DMD: variants seen among roughly 807,000 people sequenced by gnomAD.
DMD encodes the protein mutant dystrophin.
DMD carries 63 observed loss-of-function variants against 330.1 expected under a neutral mutation model. That is an observed-to-expected ratio of 0.19 (90% confidence interval 0.16 to 0.24). The LOEUF (loss-of-function observed/expected upper bound fraction) is 0.24. Among genes scored for constraint, DMD ranks in the 10% least tolerant of loss-of-function variants. The pLI, the probability that DMD is intolerant of heterozygous loss-of-function variation, is 1.00. For synonymous variants in DMD, 1,223 were observed against 959.8 expected (o/e 1.27, Z -5.07); for missense variants, 3,344 against 2,684.1 (o/e 1.25, Z -5.43).
At chrX:31,981,500 A>C (rs2095475787) in intron 44 of DMD, among the ~76,000 whole-genome samples, 1 of 111,427 alleles carries the variant, frequency 9.0e-6, no homozygotes, top group Admixed American at 9.6e-5. Flanking sequence ...AGAACTGTAT[A>C]AACAGTGAGG....
intron 67 of DMD, among the ~76,000 whole-genome samples, chrX:31,188,199 A>T (rs773120284): frequency 9.8e-5 from 11 of 111,919 alleles, no homozygotes; most frequent in Non-Finnish European, 1.9e-4. Context: ...TCAATCTTTC[A>T]TTTTTATGAC....
At chrX:32,291,426 G>A (rs1197273460) in intron 42 of DMD, among the ~76,000 whole-genome samples, 7 of 110,629 alleles carry the variant, frequency 6.3e-5, no homozygotes, top group Admixed American at 2.9e-4. Context: ...AACTTTTTTC[G>A]GAAAGTACAT....
At position 32,343,156 on chromosome X, in the gene DMD, G is replaced by A; in HGVS notation, c.5717C>T (p.Pro1906Leu). The A allele has an allele frequency of 8.3e-7, 1 of 1,209,953 alleles. No homozygotes were observed. Residue 1906 changes from proline to leucine, a missense_variant, in exon 40 of 79, where the codon CCC becomes CTC. Coordinates refer to ENST00000357033, the MANE Select transcript of DMD (RefSeq NM_004006.3). ...IEKKLASLPEPRDERKIKEID... is the reference protein window; with the variant it reads ...IEKKLASLPELRDERKIKEID... The stretch of plus-strand genomic sequence containing the variant: ...TACCTTTATTTTCCTTTCATCTCTG[G>A]GCTCAGGTAGGCTGGCTAATTTTTT...
intron 54 of DMD, among the ~76,000 whole-genome samples, chrX:31,628,413 A>G (rs890739563): frequency 9.0e-6 from 1 of 111,288 alleles, no homozygotes; most frequent in Non-Finnish European, 1.9e-5. Flanking sequence ...GAAAAGACAA[A>G]AAGAAGGGGA....
At chrX:32,806,464 C>T (rs188961554) in intron 7 of DMD, among the ~76,000 whole-genome samples, 29 of 110,630 alleles carry the variant, frequency 2.6e-4, no homozygotes, top group African/African-American at 8.9e-4. Context: ...TTCTTAGAGA[C>T]CTACATAGAG....
chrX:33,044,503 G>T (rs994105038), intron 1 of DMD, among the ~76,000 whole-genome samples: 1 of 112,107 alleles, frequency 8.9e-6, no homozygotes, highest in African/African-American at 3.2e-5. Flanking sequence ...ACTGTGAACT[G>T]AACCAGTAAG....
At chrX:31,870,213 T>G (rs911987992) in intron 48 of DMD, among the ~76,000 whole-genome samples, 2 of 112,100 alleles carry the variant, frequency 1.8e-5, no homozygotes, top group African/African-American at 3.2e-5. Context: ...GACCTGACCT[T>G]CCTTTTCTTA....
chrX:31,512,836 A>G (rs1330643780), intron 55 of DMD, among the ~76,000 whole-genome samples: 3 of 109,863 alleles, frequency 2.7e-5, no homozygotes, highest in African/African-American at 1.0e-4. Flanking sequence ...TTGGTTCCAT[A>G]TGAACTTTAA....
chrX:31,650,603 T>C (rs916108625), intron 54 of DMD, among the ~76,000 whole-genome samples: 14 of 111,991 alleles, frequency 1.3e-4, no homozygotes, highest in African/African-American at 4.5e-4. Flanking sequence ...CAAGGGACGG[T>C]ATTTGTAGAT....
intron 22 of DMD, among the ~76,000 whole-genome samples, chrX:32,470,732 T>C (rs971444973): frequency 2.7e-5 from 3 of 111,743 alleles, no homozygotes; most frequent in African/African-American, 9.7e-5. Context: ...CCATTTGGTA[T>C]TGTAGTAGAA....
chrX:32,825,801 G>A (rs2078645311), intron 4 of DMD, among the ~76,000 whole-genome samples: 1 of 111,471 alleles, frequency 9.0e-6, no homozygotes, highest in Admixed American at 9.6e-5. Flanking sequence ...CTACTTATAT[G>A]AGGTACCTAA....
chrX:32,206,076 G>A, intron 44 of DMD: 1 of 517,695 alleles, frequency 1.9e-6, no homozygotes, highest in South Asian at 2.3e-5. Context: ...TGAAGCAGAG[G>A]CAATGAGTTA....
At chrX:32,298,416 A>G (rs2097506440) in intron 42 of DMD, among the ~76,000 whole-genome samples, 1 of 110,830 alleles carries the variant, frequency 9.0e-6, no homozygotes, top group South Asian at 3.8e-4. Flanking sequence ...GCCATTAACT[A>G]TAGTGTAGAA....
intron 44 of DMD, among the ~76,000 whole-genome samples, chrX:32,195,106 G>T (rs1252279084): frequency 9.0e-6 from 1 of 111,313 alleles, no homozygotes. Flanking sequence ...GACAGAAGTT[G>T]CATTGCATTA....
chrX:32,406,804 C>T (rs891322342), intron 30 of DMD, among the ~76,000 whole-genome samples: 10 of 110,983 alleles, frequency 9.0e-5, no homozygotes, highest in Non-Finnish European at 1.9e-4. Context: ...AGAACAAAGC[C>T]CTCATAAATA....
chrX:32,948,755 A>G (rs1569544981), intron 2 of DMD, among the ~76,000 whole-genome samples: 1 of 111,833 alleles, frequency 8.9e-6, no homozygotes, highest in African/African-American at 3.3e-5. Flanking sequence ...CTTTAGATAC[A>G]TGTTATCTCT....
intron 50 of DMD, among the ~76,000 whole-genome samples, chrX:31,801,592 A>AC (rs1491124821): frequency 7.0e-5 from 3 of 43,063 alleles, no homozygotes; most frequent in Non-Finnish European, 9.2e-5. Context: ...CCCCCCCCCC[A>AC]ACACACACAC....
chrX:31,358,890 T>A (rs1484500238), intron 60 of DMD, among the ~76,000 whole-genome samples: 1 of 112,143 alleles, frequency 8.9e-6, no homozygotes, highest in Non-Finnish European at 1.9e-5. Flanking sequence ...GAGGGCCTTC[T>A]CAGTTCTGTT....
intron 50 of DMD, 50 bp downstream of exon 50, chrX:31,819,925 C>G (rs1418728951): frequency 4.7e-6 from 5 of 1,068,368 alleles, no homozygotes; most frequent in Non-Finnish European, 6.5e-6. Flanking sequence ...CATAGTTGCA[C>G]TTTTGAACAA....
Sources: gnomAD v4.1 joint callset for allele counts (sites outside exome capture counted in the v4.1 genomes callset) on GRCh38, gnomAD v4.1.1 for gene constraint, MANE v1.5 for transcripts, NCBI Gene and HGNC (gene_info 2026-07-23, HGNC 2026-07-21) for gene names.